NUP210: variants seen among roughly 807,000 people sequenced by gnomAD.
NUP210 encodes nucleoporin 210.
In NUP210, 151 loss-of-function variants were observed where a neutral mutation model predicts 196.0. The observed-to-expected ratio is 0.77, with a 90% CI of 0.67 to 0.88. The LOEUF (loss-of-function observed/expected upper bound fraction) is 0.88. Among genes scored for constraint, NUP210 ranks in the 40% least tolerant of loss-of-function variants. The pLI, the probability that NUP210 is intolerant of heterozygous loss-of-function variation, is 0.00. For synonymous variants in NUP210, 1,070 were observed against 1,052.7 expected (o/e 1.02, Z -0.32); for missense variants, 2,314 against 2,493.7 (o/e 0.93, Z 1.53).
intron 20 of NUP210, among the ~76,000 whole-genome samples, chr3:13,343,776 C>A (rs576104206): frequency 6.6e-6 from 1 of 152,160 alleles, no homozygotes; most frequent in Non-Finnish European, 1.5e-5. Flanking sequence ...TCTGTGAAAC[C>A]GCAAGTCAGG....
At position 13,353,918 on chromosome 3, in the gene NUP210, G is replaced by GGGC. The variant is rs1698071949; in HGVS notation, c.2517_2518insGCC (p.Leu839_His840insAla). The GGGC allele has an allele frequency of 6.2e-7, 1 of 1,606,870 alleles. No homozygotes were observed. Among genetic ancestry groups the GGGC allele is most frequent in the African/African-American group, 1.3e-5 (1 of 74,856 alleles). ...ATCAGGCTTGTGCCCAGCTCACCGT[G>GGGC]CAGCTTCTTTTGGCCACTCTCATCG... On this transcript the variant is annotated inframe_insertion, in exon 17 of 40. Coordinates refer to ENST00000254508, the MANE Select transcript of NUP210 (RefSeq NM_024923.4).
chr3:13,345,153 A>G, intron 20 of NUP210: 1 of 985,470 alleles, frequency 1.0e-6, no homozygotes, highest in South Asian at 4.7e-5. Context: ...AATTCTGGAT[A>G]AGGTCATGGA....
intron 13 of NUP210, among the ~76,000 whole-genome samples, chr3:13,368,779 G>A: frequency 6.6e-6 from 1 of 152,186 alleles, no homozygotes; most frequent in South Asian, 2.1e-4. Context: ...TCTTAAGGCT[G>A]AATAATATTC....
chr3:13,370,773 A>G (rs1698704595), intron 13 of NUP210, among the ~76,000 whole-genome samples: 1 of 152,230 alleles, frequency 6.6e-6, no homozygotes, highest in Admixed American at 6.5e-5. Flanking sequence ...GCACGTAATT[A>G]CAGCTACAGT....
chr3:13,319,720 C>T (rs764052728), intron 37 of NUP210, 43 bp downstream of exon 37: 3 of 1,564,998 alleles, frequency 1.9e-6, no homozygotes, highest in Non-Finnish European at 2.6e-6. Context: ...GCCTGTCCCT[C>T]CCCATCCTGG....
In NUP210 at chr3:13,348,395, A is replaced by G. The variant is rs1413575265; in HGVS notation, c.2835+3484T>C. ...TCACAAGTCCACCCTCAGAGCTTGC[A>G]CAGAATGACAGGTGCAAGGTAAATG... On this transcript the variant is annotated intron_variant, in intron 20 of 39. Coordinates refer to ENST00000254508, the MANE Select transcript of NUP210 (RefSeq NM_024923.4). The surrounding 1 kb of genome is among the most constrained non-coding windows in gnomAD (Gnocchi z 4.0). 2.0e-6 allele frequency: 2 copies of G among 985,302 alleles called. No homozygotes were observed. Among genetic ancestry groups the G allele is most frequent in the Non-Finnish European group, 2.4e-6 (2 of 829,938 alleles). The allele number at this position is 985,302 out of a possible 1,614,324, so 61.0% of individuals were successfully genotyped here.
intron 36 of NUP210, among the ~76,000 whole-genome samples, chr3:13,320,982 G>A (rs776520813): frequency 2.6e-4 from 40 of 152,146 alleles, no homozygotes; most frequent in Non-Finnish European, 4.7e-4. Context: ...CGCCGCCAGC[G>A]GGCTGGCCCT....
At position 13,357,722 on chromosome 3, in the gene NUP210, G is replaced by A. The variant is rs548469704; in HGVS notation, c.2328+500C>T. 2.0e-5 allele frequency among the ~76,000 whole-genome samples: 3 copies of A among 152,254 alleles called. No individual in the cohort carries two copies. In the East Asian group the frequency reaches 5.8e-4, roughly 29 times the overall value. On this transcript the variant is annotated intron_variant, in intron 16 of 39. Coordinates refer to ENST00000254508, the MANE Select transcript of NUP210 (RefSeq NM_024923.4). ...GCTTCCCCTACCATCCCTGCTGTTA[G>A]ACAAGACTCCCAAGGGACTTTCTTC...
chr3:13,336,730 G>A (rs1697230603), intron 27 of NUP210, 57 bp downstream of exon 27: 17 of 1,571,616 alleles, frequency 1.1e-5, no homozygotes, highest in South Asian at 2.3e-5. Context: ...CCTGCCACTC[G>A]GGGTGCTGGC....
intron 13 of NUP210, among the ~76,000 whole-genome samples, chr3:13,367,007 T>G (rs1698561510): frequency 6.6e-6 from 1 of 151,662 alleles, no homozygotes; most frequent in Non-Finnish European, 1.5e-5. Flanking sequence ...ATGCCTGTAA[T>G]TCCAGCTACT....
intron 1 of NUP210, among the ~76,000 whole-genome samples, chr3:13,411,089 G>A (rs772698143): frequency 1.2e-4 from 18 of 152,046 alleles, no homozygotes; most frequent in East Asian, 3.9e-4. Context: ...AAAATTAGCT[G>A]GGCGTGGTGG....
At chr3:13,366,667 G>T (rs1336528731) in intron 13 of NUP210, among the ~76,000 whole-genome samples, 1 of 151,446 alleles carries the variant, frequency 6.6e-6, no homozygotes, top group South Asian at 2.1e-4. Flanking sequence ...AGAGGCATGC[G>T]CCACCACGCC....
chr3:13,320,131 G>A, intron 36 of NUP210, 152 bp from the exon 37 acceptor site: 1 of 723,290 alleles, frequency 1.4e-6, no homozygotes, highest in Non-Finnish European at 2.3e-6. Flanking sequence ...TTCCCTCCTG[G>A]GGCCCAAGGG....
In NUP210 at chr3:13,348,785, C is replaced by G. The variant is rs1697851439; in HGVS notation, c.2835+3094G>C. On this transcript the variant is annotated intron_variant, in intron 20 of 39. Coordinates refer to ENST00000254508, the MANE Select transcript of NUP210 (RefSeq NM_024923.4). The surrounding 1 kb of genome is among the most constrained non-coding windows in gnomAD (Gnocchi z 4.0). ...AGGAACAGTGGGACTCCCTCCCCCT[C>G]CTTGAGGCACGGCGCTGAGAAAACA... The G allele has an allele frequency of 3.0e-6, 3 of 985,414 alleles. No homozygotes were observed. Among genetic ancestry groups the G allele is most frequent in the Non-Finnish European group, 3.6e-6 (3 of 829,934 alleles). 61.0% of individuals were successfully genotyped at this position (985,414 alleles called of 1,614,324 possible).
intron 15 of NUP210, 108 bp from the exon 16 acceptor site, chr3:13,358,503 A>G: frequency 9.1e-7 from 1 of 1,099,866 alleles, no homozygotes; most frequent in Non-Finnish European, 1.3e-6. Context: ...TCTCCTCTAT[A>G]GGATGGGAGT....
At chr3:13,344,460 T>C (rs143005854) in intron 20 of NUP210, among the ~76,000 whole-genome samples, 276 of 152,132 alleles carry the variant, frequency 1.8e-3, no homozygotes, top group African/African-American at 6.2e-3. Flanking sequence ...ATTCATGGGG[T>C]GGGGAGCAAG....
At position 13,332,274 on chromosome 3, in the gene NUP210, CAAG is replaced by C; in HGVS notation, c.3935+16_3935+18del. 1 of 1,603,594 alleles carries C rather than the reference CAAG, an allele frequency of 6.2e-7. No homozygotes were observed. The highest frequency in any genetic ancestry group is 8.5e-7 in the Non-Finnish European group (1 of 1,170,550). ...CACAGCCGCACAACTTTGCTGGAAA[CAAG>C]AGCTGAGTCACGTACCTGTTTGTCT... On this transcript the variant is annotated intron_variant, in intron 29 of 39. Coordinates refer to ENST00000254508, the MANE Select transcript of NUP210 (RefSeq NM_024923.4).
intron 1 of NUP210, among the ~76,000 whole-genome samples, chr3:13,417,324 T>C (rs1242843319): frequency 6.6e-6 from 1 of 152,186 alleles, no homozygotes; most frequent in African/African-American, 2.4e-5. Context: ...TTTGATGTTA[T>C]AAAATAAAAA....
Position 13,317,021 on chromosome 3 carries a change from C to G in NUP210, c.*660G>C, listed in dbSNP as rs1696297050. ...AAAACAGAGGACTGAAGTCTGTTCA[C>G]AGTGGCCCATGGTTGGGCAGCAGCC... is the stretch of plus-strand genomic sequence containing the variant. On this transcript the variant is annotated 3_prime_UTR_variant, in exon 40 of 40. Transcript: ENST00000254508. 6.5e-6 allele frequency: 1 copy of G among 153,124 alleles called. No individual in the cohort carries two copies. Among genetic ancestry groups the G allele is most frequent in the Non-Finnish European group, 1.5e-5 (1 of 68,734 alleles). 9.5% of individuals were successfully genotyped at this position (153,124 alleles called of 1,614,324 possible).
Sources: allele counts gnomAD v4.1 joint callset (sites outside exome capture counted in the v4.1 genomes callset), GRCh38; gene constraint gnomAD v4.1.1; non-coding constraint Gnocchi (gnomAD v3.1); transcripts MANE v1.5; gene names NCBI Gene and HGNC (gene_info 2026-07-23, HGNC 2026-07-21).